The following PTPRD variants were observed in gnomAD, a reference collection of about 807,000 sequenced individuals.
The protein encoded by PTPRD is receptor-type tyrosine-protein phosphatase delta.
A neutral mutation model predicts 214.5 loss-of-function variants in PTPRD; 34 were observed. The ratio of observed to expected loss-of-function variants is 0.16; its 90% confidence interval spans 0.12 to 0.21. PTPRD has a LOEUF of 0.21. Ranked by LOEUF, PTPRD falls within the 10% of genes least tolerant of loss-of-function variation. PTPRD has a pLI of 1.00. For missense variants in PTPRD, 2,545 were observed against 2,398.7 expected (o/e 1.06, Z -1.27); for synonymous variants, 1,128 against 845.7 (o/e 1.33, Z -5.79).
At chr9:10,036,775 G>A (rs961709125) in intron 3 of PTPRD, among the ~76,000 whole-genome samples, 1 of 151,836 alleles carries the variant, frequency 6.6e-6, no homozygotes, top group African/African-American at 2.4e-5. Flanking sequence ...GTAGAGACAG[G>A]GTTTCATCAT....
rs535827001 is a variant in PTPRD, at chr9:10,312,038, C to T, written c.-545+28925G>A. On this transcript the variant is annotated intron_variant, in intron 3 of 45. Transcript: ENST00000381196. ...AGTGACCAATAAGGTCTCATCTCACCTCATTGTTATTATTCACCTTTGAGA... is the reference window on the plus strand; with the variant it reads ...AGTGACCAATAAGGTCTCATCTCACTTCATTGTTATTATTCACCTTTGAGA... 2.0e-5 allele frequency among the ~76,000 whole-genome samples: 3 copies of T among 151,898 alleles called. No homozygotes were observed. In the East Asian group the frequency reaches 5.8e-4, roughly 30 times the overall value.
intron 5 of PTPRD, among the ~76,000 whole-genome samples, chr9:9,835,940 C>T (rs1347336099): frequency 6.6e-6 from 1 of 152,052 alleles, no homozygotes; most frequent in African/African-American, 2.4e-5. Flanking sequence ...TGATATTCTA[C>T]CACTAGATGG....
At chr9:10,480,162 T>C (rs1340839765) in intron 2 of PTPRD, among the ~76,000 whole-genome samples, 1 of 152,130 alleles carries the variant, frequency 6.6e-6, no homozygotes, top group Non-Finnish European at 1.5e-5. Flanking sequence ...TTCAACCCCA[T>C]GGCAAGTGTG....
In PTPRD at chr9:9,250,442, A is replaced by G. The variant is rs76315134; in HGVS notation, c.-202-67079T>C. 1.1e-4 allele frequency among the ~76,000 whole-genome samples: 16 copies of G among 152,236 alleles called. No individual in the cohort carries two copies. In the East Asian group the frequency reaches 3.1e-3, roughly 30 times the overall value. ...CAGCTTGACACAAGCTGTTATAGTTAGGTGAGACAAGGAATGCAAACCCTC... is the reference window on the plus strand; with the variant it reads ...CAGCTTGACACAAGCTGTTATAGTTGGGTGAGACAAGGAATGCAAACCCTC... On this transcript the variant is annotated intron_variant, in intron 9 of 45. Transcript: ENST00000381196.
At chr9:10,598,670 A>ATG (rs1175090419) in intron 2 of PTPRD, among the ~76,000 whole-genome samples, 968 of 80,966 alleles carry the variant, frequency 0.012, 6 homozygotes, top group African/African-American at 0.033. Context: ...ATTTTTATAT[A>ATG]TGTATGTGTG....
chr9:9,423,232 T>C (rs1305034996), intron 8 of PTPRD, among the ~76,000 whole-genome samples: 1 of 152,140 alleles, frequency 6.6e-6, no homozygotes, highest in African/African-American at 2.4e-5. Context: ...ACCCCCAACA[T>C]GATGGTATTT....
intron 7 of PTPRD, among the ~76,000 whole-genome samples, chr9:9,641,088 C>CAAA (rs2095930605): frequency 1.1e-5 from 1 of 91,362 alleles, no homozygotes. Context: ...AAAGCTATAG[C>CAAA]TTTAAATAGC....
intron 7 of PTPRD, among the ~76,000 whole-genome samples, chr9:9,677,063 C>G (rs1461365232): frequency 1.3e-5 from 2 of 151,870 alleles, no homozygotes; most frequent in African/African-American, 4.8e-5. Flanking sequence ...AAAATTTTCT[C>G]CCATTTTGTA....
intron 9 of PTPRD, among the ~76,000 whole-genome samples, chr9:9,372,169 G>T (rs1233100020): frequency 6.6e-6 from 1 of 152,052 alleles, no homozygotes; most frequent in Non-Finnish European, 1.5e-5. Context: ...GGGTATCCTT[G>T]TTAACTTTCT....
At chr9:8,384,115 A>G (rs1011904971) in intron 37 of PTPRD, among the ~76,000 whole-genome samples, 2 of 152,204 alleles carry the variant, frequency 1.3e-5, no homozygotes, top group East Asian at 3.9e-4. Context: ...TACCTCGGAG[A>G]TGCCAATTCT....
chr9:9,161,839 T>G (rs186763195), intron 10 of PTPRD, among the ~76,000 whole-genome samples: 28 of 148,238 alleles, frequency 1.9e-4, no homozygotes, highest in Admixed American at 6.0e-4. Flanking sequence ...ATGGTAACAT[T>G]ACTGCATAAG....
At chr9:10,158,330 G>A (rs1478768540) in intron 3 of PTPRD, among the ~76,000 whole-genome samples, 1 of 151,892 alleles carries the variant, frequency 6.6e-6, no homozygotes, top group Non-Finnish European at 1.5e-5. Context: ...TTCTATACTG[G>A]GTATTTTATC....
intron 10 of PTPRD, among the ~76,000 whole-genome samples, chr9:9,052,870 GTGAATGGGGGCATCCTAGCCAAC>G (rs1331457395): frequency 1.3e-5 from 2 of 152,142 alleles, no homozygotes; most frequent in Non-Finnish European, 2.9e-5. Context: ...AGCATTGAAA[GTGAATGGGGGCATCCTAGCCAAC>G]TGAATGTGCC....
chr9:9,731,843 T>A (rs549683026), intron 7 of PTPRD, among the ~76,000 whole-genome samples: 11 of 152,312 alleles, frequency 7.2e-5, no homozygotes, highest in Non-Finnish European at 1.6e-4. Flanking sequence ...ATTGAGGAAC[T>A]ACTAAACATA....
chr9:8,838,908 A>G (rs1056003127), intron 11 of PTPRD, among the ~76,000 whole-genome samples: 1 of 151,954 alleles, frequency 6.6e-6, no homozygotes, highest in Non-Finnish European at 1.5e-5. Flanking sequence ...AATGAATAAT[A>G]AGAGAGAAAA....
rs147109988 is a variant in PTPRD at position 9,066,947 on chromosome 9, T to C, written c.-142-48212A>G. ...CAAAAGGATTATGTGGTAATCCCTA[T>C]TAAAACTTGTCCTGGCTGGGCGCCA... is the stretch of plus-strand genomic sequence containing the variant. On this transcript the variant is annotated intron_variant, in intron 10 of 45. Transcript: ENST00000381196. Among the ~76,000 whole-genome samples the C allele has an allele frequency of 4.0e-3, 607 of 152,338 alleles. 4 individuals are homozygous for C. The highest frequency in any genetic ancestry group is 0.024 in the Middle Eastern group (7 of 294).
At chr9:9,215,939 C>G (rs530018763) in intron 9 of PTPRD, among the ~76,000 whole-genome samples, 21 of 152,210 alleles carry the variant, frequency 1.4e-4, no homozygotes, top group Middle Eastern at 3.4e-3. Flanking sequence ...AGATGAGGGG[C>G]AAGAAATACC....
intron 5 of PTPRD, among the ~76,000 whole-genome samples, chr9:9,772,250 A>C (rs2098757884): frequency 6.6e-6 from 1 of 152,086 alleles, no homozygotes; most frequent in South Asian, 2.1e-4. Flanking sequence ...GACAAGGAGA[A>C]AGACTCTCAG....
chr9:9,769,176 A>G lies in PTPRD; in HGVS notation c.-367-2325T>C, dbSNP rs149731451. Among the ~76,000 whole-genome samples the G allele has an allele frequency of 1.2e-3, 178 of 152,260 alleles. 1 individual carries two copies. Among genetic ancestry groups the G allele is most frequent in the Non-Finnish European group, 1.8e-3 (123 of 68,012 alleles). ...ATAAAACGACTATGAGCTTAATAAGAAAAGTTCTGAAAGTCAAGCTTACAG... is the reference window on the plus strand; with the variant it reads ...ATAAAACGACTATGAGCTTAATAAGGAAAGTTCTGAAAGTCAAGCTTACAG... On this transcript the variant is annotated intron_variant, in intron 5 of 45. Transcript: ENST00000381196.
Sources: allele counts gnomAD v4.1 joint callset (sites outside exome capture counted in the v4.1 genomes callset), GRCh38; gene constraint gnomAD v4.1.1; transcripts MANE v1.5; gene names NCBI Gene and HGNC (gene_info 2026-07-23, HGNC 2026-07-21).